Variants in SLC30A8 observed in about 807,000 individuals in gnomAD.
SLC30A8 encodes the protein solute carrier family 30 member 8, also known as proton-coupled zinc antiporter SLC30A8.
SLC30A8 carries 27 observed loss-of-function variants against 36.9 expected under a neutral mutation model. The ratio of observed to expected loss-of-function variants is 0.73; its 90% CI spans 0.54 to 1.01. The LOEUF (loss-of-function observed/expected upper bound fraction) is 1.01. SLC30A8 is among the 50% of genes least tolerant of loss of function. SLC30A8 has a pLI of 0.00. For synonymous variants in SLC30A8, 164 were observed against 172.4 expected (o/e 0.95, Z 0.38); for missense variants, 439 against 452.0 (o/e 0.97, Z 0.26).
At chr8:117,079,829 T>C (rs1818607643) in intron 2 of SLC30A8, among the ~76,000 whole-genome samples, 1 of 152,202 alleles carries the variant, frequency 6.6e-6, no homozygotes, top group Non-Finnish European at 1.5e-5. Context: ...CGCACCATAA[T>C]TTTGAATTCC....
chr8:116,986,920 A>G (rs567694191), intron 1 of SLC30A8, among the ~76,000 whole-genome samples: 2 of 152,262 alleles, frequency 1.3e-5, no homozygotes, highest in African/African-American at 4.8e-5. Flanking sequence ...ACCACCTTTC[A>G]TGTTCTAAGA....
At chr8:117,089,885 C>T (rs1420354239) in intron 2 of SLC30A8, among the ~76,000 whole-genome samples, 1 of 152,182 alleles carries the variant, frequency 6.6e-6, no homozygotes, top group African/African-American at 2.4e-5. Context: ...CCACACTTAT[C>T]TCTTTGGGTT....
chr8:117,096,911 C>T (rs1352782744), intron 2 of SLC30A8, among the ~76,000 whole-genome samples: 1 of 152,044 alleles, frequency 6.6e-6, no homozygotes, highest in Non-Finnish European at 1.5e-5. Flanking sequence ...CCATCTGGCA[C>T]TCGTTGTCTT....
chr8:116,951,649 T>G (rs1459259949), intron 1 of SLC30A8, among the ~76,000 whole-genome samples: 1 of 151,710 alleles, frequency 6.6e-6, no homozygotes. Flanking sequence ...ATCTTCCAAT[T>G]TTTTGGTGAT....
At chr8:117,068,174 C>T (rs1256274601) in intron 2 of SLC30A8, among the ~76,000 whole-genome samples, 1 of 152,096 alleles carries the variant, frequency 6.6e-6, no homozygotes, top group Non-Finnish European at 1.5e-5. Context: ...TACATTCCTA[C>T]CCATTAAGAG....
At chr8:117,171,499 T>C (rs914862351) in intron 7 of SLC30A8, among the ~76,000 whole-genome samples, 2 of 152,136 alleles carry the variant, frequency 1.3e-5, no homozygotes, top group Admixed American at 6.6e-5. Context: ...ATAATAGGAA[T>C]GAATTAAAAA....
At chr8:116,996,340 G>T (rs1483899403) in intron 1 of SLC30A8, among the ~76,000 whole-genome samples, 1 of 152,094 alleles carries the variant, frequency 6.6e-6, no homozygotes, top group Non-Finnish European at 1.5e-5. Context: ...AATACCCATT[G>T]TCTGTCTTTA....
At chr8:117,026,639 C>T (rs910848887) in intron 1 of SLC30A8, among the ~76,000 whole-genome samples, 4 of 152,142 alleles carry the variant, frequency 2.6e-5, no homozygotes, top group Non-Finnish European at 4.4e-5. Flanking sequence ...TTGGTGCTCA[C>T]CCTTCCTAAA....
chr8:116,966,103 C>G (rs980720149), intron 1 of SLC30A8, among the ~76,000 whole-genome samples: 3 of 151,996 alleles, frequency 2.0e-5, no homozygotes, highest in African/African-American at 7.2e-5. Flanking sequence ...AGGCTGGTCT[C>G]GAACTCCTGA....
At chr8:117,139,392 C>A (rs145936303) in intron 1 of SLC30A8, among the ~76,000 whole-genome samples, 2 of 151,954 alleles carry the variant, frequency 1.3e-5, no homozygotes, top group Non-Finnish European at 2.9e-5. Context: ...AAAGACCACG[C>A]GAGGAAGTAA....
intron 4 of SLC30A8, among the ~76,000 whole-genome samples, chr8:117,158,318 A>G (rs1156373556): frequency 6.6e-6 from 1 of 152,192 alleles, no homozygotes; most frequent in African/African-American, 2.4e-5. Context: ...GGGTGAGCAG[A>G]TGGTGGCTTC....
intron 2 of SLC30A8, among the ~76,000 whole-genome samples, chr8:117,087,474 G>A (rs950297901): frequency 6.6e-6 from 1 of 152,028 alleles, no homozygotes; most frequent in African/African-American, 2.4e-5. Flanking sequence ...TTTCTGTTCT[G>A]TTCAAGCAAT....
intron 2 of SLC30A8, among the ~76,000 whole-genome samples, chr8:117,151,847 C>CA (rs1822205224): frequency 6.6e-6 from 1 of 152,164 alleles, no homozygotes; most frequent in Non-Finnish European, 1.5e-5. Flanking sequence ...GATTTGTTAG[C>CA]AAAATGTTGC....
chr8:116,996,389 AT>A (rs1815815666), intron 1 of SLC30A8, among the ~76,000 whole-genome samples: 1 of 152,214 alleles, frequency 6.6e-6, no homozygotes, highest in Admixed American at 6.5e-5. Flanking sequence ...ACAGATTAAA[AT>A]TTGTAAATTT....
At chr8:117,134,157 C>T (rs1348443435), upstream of SLC30A8, among the ~76,000 whole-genome samples, 1 of 151,884 alleles carries the variant, frequency 6.6e-6, no homozygotes, top group East Asian at 1.9e-4. Flanking sequence ...GAGATCTCAG[C>T]TCAGCATAAT....
chr8:117,099,838 C>T (rs1010033139), intron 2 of SLC30A8, among the ~76,000 whole-genome samples: 1 of 152,122 alleles, frequency 6.6e-6, no homozygotes, highest in African/African-American at 2.4e-5. Context: ...GTTTTGGAGC[C>T]ATATATTGAA....
At chr8:116,952,915 T>C (rs1254237023) in intron 1 of SLC30A8, among the ~76,000 whole-genome samples, 2 of 152,034 alleles carry the variant, frequency 1.3e-5, no homozygotes, top group African/African-American at 2.4e-5. Flanking sequence ...ATGTGCAGAT[T>C]CTTTTTACCT....
intron 1 of SLC30A8, among the ~76,000 whole-genome samples, chr8:116,970,172 G>A (rs1001015217): frequency 6.6e-6 from 1 of 151,166 alleles, no homozygotes; most frequent in Non-Finnish European, 1.5e-5. Context: ...AATGATTTCT[G>A]TTAAAAAACC....
chr8:117,162,271 A>C (rs1822831573), intron 5 of SLC30A8, among the ~76,000 whole-genome samples: 2 of 152,158 alleles, frequency 1.3e-5, no homozygotes. Context: ...GTGTCTCAAC[A>C]AATTTTTTTT....
Sources: allele counts gnomAD v4.1 joint callset (sites outside exome capture counted in the v4.1 genomes callset), GRCh38; gene constraint gnomAD v4.1.1; transcripts MANE v1.5; gene names NCBI Gene and HGNC (gene_info 2026-07-23, HGNC 2026-07-21).